Variants in SPOCK3 observed in about 807,000 individuals in gnomAD.
SPOCK3 encodes the protein testican-3.
In SPOCK3, 30 loss-of-function variants were observed where a neutral mutation model predicts 56.6. The observed-to-expected ratio is 0.53, with a 90% CI of 0.40 to 0.72. SPOCK3 has a LOEUF of 0.72. SPOCK3 is among the 30% of genes least tolerant of loss of function. The pLI is 0.00. For missense variants in SPOCK3, 527 were observed against 530.0 expected (o/e 0.99, Z 0.06); for synonymous variants, 196 against 183.3 (o/e 1.07, Z -0.56).
intron 4 of SPOCK3, among the ~76,000 whole-genome samples, chr4:166,923,638 A>G (rs989618667): frequency 4.6e-5 from 7 of 152,196 alleles, no homozygotes; most frequent in Admixed American, 4.6e-4. Context: ...TACATTGCCC[A>G]TTAGCAGCCA....
chr4:166,856,652 TAG>T (rs1441359756), intron 6 of SPOCK3, among the ~76,000 whole-genome samples: 13 of 151,962 alleles, frequency 8.6e-5, no homozygotes, highest in Non-Finnish European at 1.9e-4. Context: ...CATGTGCCTG[TAG>T]ACCCAGCTAC....
chr4:167,160,979 C>A (rs956359163), intron 2 of SPOCK3, among the ~76,000 whole-genome samples: 1 of 152,030 alleles, frequency 6.6e-6, no homozygotes, highest in Non-Finnish European at 1.5e-5. Flanking sequence ...AGGACATAGG[C>A]ATGGGCAAGG....
At chr4:167,165,016 C>T (rs1022268246) in intron 2 of SPOCK3, among the ~76,000 whole-genome samples, 1 of 152,168 alleles carries the variant, frequency 6.6e-6, no homozygotes, top group Non-Finnish European at 1.5e-5. Context: ...AGTCTTCACA[C>T]TGTGTTCCAC....
intron 6 of SPOCK3, among the ~76,000 whole-genome samples, chr4:166,878,149 C>T (rs191091719): frequency 5.3e-4 from 80 of 152,216 alleles, no homozygotes; most frequent in African/African-American, 1.9e-3. Context: ...CGAATTGGCA[C>T]ATGCCTGTAA....
At chr4:167,014,004 G>A (rs539097340) in intron 3 of SPOCK3, among the ~76,000 whole-genome samples, 33 of 152,264 alleles carry the variant, frequency 2.2e-4, no homozygotes, top group Middle Eastern at 3.4e-3. Context: ...ATGTGTGTTA[G>A]GTGCCTAGAG....
intron 7 of SPOCK3, among the ~76,000 whole-genome samples, chr4:166,769,284 T>A (rs1738590090): frequency 6.6e-6 from 1 of 152,156 alleles, no homozygotes; most frequent in Admixed American, 6.5e-5. Flanking sequence ...TATTTTCAGC[T>A]TTTCTGCTCT....
chr4:166,842,720 G>C (rs1302382300), intron 6 of SPOCK3, among the ~76,000 whole-genome samples: 1 of 152,220 alleles, frequency 6.6e-6, no homozygotes, highest in Non-Finnish European at 1.5e-5. Flanking sequence ...CAATCCTGTG[G>C]CTAGACATAA....
intron 2 of SPOCK3, among the ~76,000 whole-genome samples, chr4:167,192,932 C>T (rs1732601216): frequency 6.9e-6 from 1 of 145,546 alleles, no homozygotes; most frequent in Non-Finnish European, 1.5e-5. Context: ...TTATTGATTT[C>T]CAGTTTTATA....
intron 3 of SPOCK3, among the ~76,000 whole-genome samples, chr4:167,017,733 TGTGA>T (rs1009702506): frequency 1.3e-5 from 2 of 152,128 alleles, no homozygotes; most frequent in African/African-American, 4.8e-5. Context: ...TGTGTGTGTG[TGTGA>T]GTGTGTGTAT....
At chr4:167,132,633 T>C (rs924721335) in intron 2 of SPOCK3, among the ~76,000 whole-genome samples, 3 of 152,202 alleles carry the variant, frequency 2.0e-5, no homozygotes, top group African/African-American at 7.2e-5. Flanking sequence ...AGAGATGTAT[T>C]CTTATTCAGT....
At chr4:167,083,321 C>A (rs1207009442) in intron 2 of SPOCK3, 1 of 764,140 alleles carries the variant, frequency 1.3e-6, no homozygotes, top group Non-Finnish European at 2.4e-6. Context: ...TACTGAGATG[C>A]CCCACAGTTC....
At chr4:166,735,631 A>G (rs1734142480) in intron 10 of SPOCK3, among the ~76,000 whole-genome samples, 1 of 152,032 alleles carries the variant, frequency 6.6e-6, no homozygotes, top group Non-Finnish European at 1.5e-5. Flanking sequence ...AGTGGGAAGG[A>G]GCTATGACTA....
At chr4:166,799,329 T>A (rs1413340185) in intron 6 of SPOCK3, among the ~76,000 whole-genome samples, 1 of 152,212 alleles carries the variant, frequency 6.6e-6, no homozygotes, top group Non-Finnish European at 1.5e-5. Flanking sequence ...TTCATCCCAA[T>A]ATCAAAGTGA....
At chr4:167,020,202 T>C (rs1201336765) in intron 3 of SPOCK3, among the ~76,000 whole-genome samples, 1 of 152,008 alleles carries the variant, frequency 6.6e-6, no homozygotes, top group Non-Finnish European at 1.5e-5. Context: ...AGTATGAAAA[T>C]AGATACAGCA....
intron 6 of SPOCK3, among the ~76,000 whole-genome samples, chr4:166,835,464 A>G (rs533031520): frequency 1.3e-5 from 2 of 152,144 alleles, no homozygotes; most frequent in Non-Finnish European, 2.9e-5. Flanking sequence ...TAAACTATTC[A>G]AAAAAAGGCT....
At chr4:167,210,009 C>A (rs981524005) in intron 2 of SPOCK3, among the ~76,000 whole-genome samples, 2 of 152,086 alleles carry the variant, frequency 1.3e-5, no homozygotes, top group African/African-American at 4.8e-5. Flanking sequence ...GGATATCCAT[C>A]AAAATCTGTC....
intron 2 of SPOCK3, among the ~76,000 whole-genome samples, chr4:167,116,161 T>C (rs1306641749): frequency 6.6e-6 from 1 of 151,750 alleles, no homozygotes; most frequent in Non-Finnish European, 1.5e-5. Context: ...TTCACTCCTA[T>C]AAAAATACCC....
chr4:167,110,440 A>T (rs1760801309), intron 2 of SPOCK3, among the ~76,000 whole-genome samples: 1 of 152,136 alleles, frequency 6.6e-6, no homozygotes, highest in African/African-American at 2.4e-5. Flanking sequence ...ACACACTTGC[A>T]GAAAGAATTC....
At chr4:167,042,779 T>C (rs1307624032) in intron 3 of SPOCK3, among the ~76,000 whole-genome samples, 2 of 152,112 alleles carry the variant, frequency 1.3e-5, no homozygotes, top group East Asian at 1.9e-4. Flanking sequence ...TTAGATAAAA[T>C]AGAATAATCA....
Sources: gnomAD v4.1 joint callset for allele counts (sites outside exome capture counted in the v4.1 genomes callset) on GRCh38, gnomAD v4.1.1 for gene constraint, MANE v1.5 for transcripts, NCBI Gene and HGNC (gene_info 2026-07-23, HGNC 2026-07-21) for gene names.